Variants in COA1 observed in about 807,000 individuals in gnomAD.
The protein encoded by COA1 is cytochrome c oxidase assembly factor 1 homolog.
A neutral mutation model predicts 16.0 loss-of-function variants in COA1; 13 were observed. The ratio of observed to expected loss-of-function variants is 0.81; its 90% CI spans 0.53 to 1.29. The LOEUF (loss-of-function observed/expected upper bound fraction) is 1.29, where lower values mean the gene tolerates loss of function less well. Ranked by LOEUF, COA1 falls within the 50% of genes most tolerant of loss-of-function variation. The pLI is 0.00. For missense variants in COA1, 179 were observed against 177.0 expected, an observed-to-expected ratio of 1.01 and a Z score of -0.06; for synonymous variants, 65 against 65.7, an observed-to-expected ratio of 0.99 and a Z score of 0.05.
At chr7:43,678,064 A>G (rs1327446066) in intron 1 of COA1, among the ~76,000 whole-genome samples, 2 of 152,180 alleles carry the variant, frequency 1.3e-5, no homozygotes, top group Non-Finnish European at 2.9e-5. Flanking sequence ...GTTCTCATCA[A>G]GTTGATTTGA....
intron 1 of COA1, chr7:43,649,381 T>C (rs1339606354): frequency 6.6e-6 from 1 of 152,226 alleles, no homozygotes; most frequent in Non-Finnish European, 1.5e-5. Context: ...GATATCTAAT[T>C]AAAGCAATAT....
chr7:43,694,805 G>C (rs2094479533), intron 1 of COA1, among the ~76,000 whole-genome samples: 1 of 152,072 alleles, frequency 6.6e-6, no homozygotes, highest in Non-Finnish European at 1.5e-5. Context: ...TGTATTCCAG[G>C]CTCATGTTAT....
At chr7:43,722,517 G>A (rs1041684982) in intron 1 of COA1, among the ~76,000 whole-genome samples, 1 of 152,220 alleles carries the variant, frequency 6.6e-6, no homozygotes, top group South Asian at 2.1e-4. Context: ...CTTGTGCCTC[G>A]TACCAGCTGC....
chr7:43,683,407 TGGATCACGA>T (rs2093862436), intron 1 of COA1, among the ~76,000 whole-genome samples: 1 of 151,982 alleles, frequency 6.6e-6, no homozygotes, highest in Non-Finnish European at 1.5e-5. Context: ...CCGAGGCAGG[TGGATCACGA>T]GGTCAGGAGA....
intron 1 of COA1, among the ~76,000 whole-genome samples, chr7:43,699,606 T>C (rs1030266440): frequency 3.3e-5 from 5 of 152,286 alleles, no homozygotes; most frequent in African/African-American, 9.6e-5. Flanking sequence ...TGTAAAACAA[T>C]TGTGATAGAG....
intron 1 of COA1, among the ~76,000 whole-genome samples, chr7:43,661,411 C>G (rs993229250): frequency 6.6e-6 from 1 of 152,134 alleles, no homozygotes; most frequent in Non-Finnish European, 1.5e-5. Context: ...CCAAAGCGGG[C>G]GGATCACAGG....
chr7:43,702,054 T>C (rs1308252172), intron 1 of COA1, among the ~76,000 whole-genome samples: 1 of 152,122 alleles, frequency 6.6e-6, no homozygotes, highest in Admixed American at 6.5e-5. Flanking sequence ...GATAGTTTCT[T>C]TCACTGTGCA....
At chr7:43,637,247 T>TC (rs2086043617), downstream of COA1, among the ~76,000 whole-genome samples, 1 of 152,174 alleles carries the variant, frequency 6.6e-6, no homozygotes, top group Non-Finnish European at 1.5e-5. Flanking sequence ...ATTATAATAC[T>TC]CTCTACAACC....
At position 43,726,627 on chromosome 7, in the gene COA1, C is replaced by T. The variant is rs181896661; in HGVS notation, c.-39+2802G>A. 4.4e-3 allele frequency among the ~76,000 whole-genome samples: 672 copies of T among 152,298 alleles called. 5 individuals are homozygous for T. The highest frequency in any genetic ancestry group is 4.7e-3 in the Non-Finnish European group (322 of 68,020). The stretch of plus-strand genomic sequence containing the variant: ...ATGCTCCTCACGGGTTCTTTCACAG[C>T]ATTTTTCCTGGGCCTGGCCTCCCAC... On this transcript the variant is annotated intron_variant, in intron 1 of 5. Coordinates refer to ENST00000223336, the MANE Select transcript of COA1 (RefSeq NM_018224.4).
intron 1 of COA1, among the ~76,000 whole-genome samples, chr7:43,655,707 C>T (rs1300303230): frequency 6.6e-6 from 1 of 152,114 alleles, no homozygotes; most frequent in East Asian, 1.9e-4. Flanking sequence ...GTAAAGACAG[C>T]CCCAGTGAAC....
chr7:43,688,783 A>G (rs371136056), intron 1 of COA1, among the ~76,000 whole-genome samples: 1 of 152,248 alleles, frequency 6.6e-6, no homozygotes, highest in African/African-American at 2.4e-5. Flanking sequence ...TCAAATGTAC[A>G]TAATAGCCAG....
rs375210311 is a variant in COA1 at position 43,691,421 on chromosome 7, A to AAAAGAAAGAAAG, written c.-39+37996_-39+38007dup. 1.7e-3 allele frequency among the ~76,000 whole-genome samples: 149 copies of AAAAGAAAGAAAG among 87,482 alleles called. 1 individual carries two copies. Among genetic ancestry groups the AAAAGAAAGAAAG allele is most frequent in the South Asian group, 2.5e-3 (6 of 2,448 alleles). 57.4% of individuals were successfully genotyped at this position (87,482 alleles called of 152,430 possible). A position where few individuals can be genotyped will look rare whatever the true frequency, so the allele number is the denominator to read the frequency against. On this transcript the variant is annotated intron_variant, in intron 1 of 5. Transcript: ENST00000223336. ...GAAGGAAGGAAGGAAGGAAGAAAGA[A>AAAAGAAAGAAAG]AAAGAAAGAAAGAAAGAAAGAAAGA...
chr7:43,611,486 G>A (rs1236743826), intron 6 of COA1, among the ~76,000 whole-genome samples: 1 of 152,198 alleles, frequency 6.6e-6, no homozygotes, highest in African/African-American at 2.4e-5. Context: ...GTGGCCTGAT[G>A]TTAATGCTGA....
chr7:43,720,936 T>C (rs1386271769), intron 1 of COA1, among the ~76,000 whole-genome samples: 2 of 152,242 alleles, frequency 1.3e-5, no homozygotes, highest in African/African-American at 2.4e-5. Flanking sequence ...ATGCTGGCAA[T>C]TAGAACCTGT....
downstream of COA1, chr7:43,639,216 GGAAAGGAAGAGGAAGA>G (rs2086467869): frequency 6.3e-6 from 1 of 157,554 alleles, no homozygotes; most frequent in African/African-American, 2.4e-5. Flanking sequence ...AAATTCCAGG[GGAAAGGAAGAGGAAGA>G]GAAAGGAAAG....
At chr7:43,634,394 C>A (rs990759528), downstream of COA1, among the ~76,000 whole-genome samples, 2 of 152,128 alleles carry the variant, frequency 1.3e-5, no homozygotes, top group African/African-American at 4.8e-5. Flanking sequence ...ACTACTGAGC[C>A]CCTTTGAATA....
intron 1 of COA1, among the ~76,000 whole-genome samples, chr7:43,684,761 C>G (rs2093940336): frequency 6.6e-6 from 1 of 152,182 alleles, no homozygotes; most frequent in Non-Finnish European, 1.5e-5. Context: ...AAGTGGCACA[C>G]TCTATAGTAC....
Position 43,647,587 on chromosome 7 carries a change from G to A in COA1, c.63C>T (p.Phe21=). 6.2e-7 allele frequency: 1 copy of A among 1,614,108 alleles called. No homozygotes were observed. The highest frequency in any genetic ancestry group is 2.2e-5 in the East Asian group (1 of 44,888). The change falls in exon 3 of 6, where the codon TTC becomes TTT. Residue 21 remains phenylalanine (F), a synonymous_variant. Coordinates refer to ENST00000223336, the MANE Select transcript of COA1 (RefSeq NM_018224.4). The part of the protein sequence containing the change: ...RSMPLGARIL[F]HGVFYAGGFA... ...AGCCCCCGGCATAGAACACACCGTG[G>A]AAAAGGATCCTTGCTCCCAGAGGCA...
chr7:43,651,062 C>T (rs1037044028), intron 1 of COA1, among the ~76,000 whole-genome samples: 36 of 152,010 alleles, frequency 2.4e-4, no homozygotes, highest in Admixed American at 1.8e-3. Context: ...AGGTAGCCCC[C>T]GACCTCACAA....
Sources: allele counts gnomAD v4.1 joint callset (sites outside exome capture counted in the v4.1 genomes callset), GRCh38; gene constraint gnomAD v4.1.1; transcripts MANE v1.5; gene names NCBI Gene and HGNC (gene_info 2026-07-23, HGNC 2026-07-21).